Variants in CC2D2A observed in about 807,000 individuals in gnomAD.
CC2D2A encodes the protein coiled-coil and C2 domain-containing protein 2A.
CC2D2A carries 155 observed loss-of-function variants against 212.9 expected under a neutral mutation model. The observed-to-expected ratio is 0.73, with a 90% CI of 0.64 to 0.83. CC2D2A has a LOEUF of 0.83. CC2D2A is among the 40% of genes least tolerant of loss of function. CC2D2A has a pLI of 0.00. For synonymous variants in CC2D2A, 667 were observed against 686.5 expected, an observed-to-expected ratio of 0.97 and a Z score of 0.44; for missense variants, 1,856 against 1,956.2, an observed-to-expected ratio of 0.95 and a Z score of 0.97.
At chr4:15,532,478 G>A (rs538444908) in intron 13 of CC2D2A, among the ~76,000 whole-genome samples, 1 of 152,200 alleles carries the variant, frequency 6.6e-6, no homozygotes, top group Admixed American at 6.5e-5. Context: ...GTATGTGTCC[G>A]TCCCCTGAGC....
chr4:15,525,563 A>AG (rs1303268595), intron 11 of CC2D2A, among the ~76,000 whole-genome samples: 1 of 152,220 alleles, frequency 6.6e-6, no homozygotes, highest in Non-Finnish European at 1.5e-5. Context: ...TCTGAAGTGT[A>AG]GGGATATTAA....
chr4:15,517,704 C>T (rs1483306929), intron 11 of CC2D2A, among the ~76,000 whole-genome samples: 1 of 152,188 alleles, frequency 6.6e-6, no homozygotes, highest in Admixed American at 6.5e-5. Context: ...AATTGCATTG[C>T]TCTTGCTTTC....
rs537406474 is a variant in CC2D2A, at chr4:15,577,714, C to CT, written c.3772-2242dup. On this transcript the variant is annotated intron_variant, in intron 29 of 36. Transcript: ENST00000424120. ...AGTGGTAGAAAAAGCTTTAGACACA[C>CT]TTTTTTTTTTTTAACTTGGAAGGCC... Among the ~76,000 whole-genome samples, 235 of 146,304 alleles carry CT rather than the reference C, an allele frequency of 1.6e-3. 1 individual carries two copies. The highest frequency in any genetic ancestry group is 0.011 in the East Asian group (55 of 5,044).
At chr4:15,600,486 C>T (rs1053497117) in intron 36 of CC2D2A, among the ~76,000 whole-genome samples, 2 of 152,184 alleles carry the variant, frequency 1.3e-5, no homozygotes, top group Non-Finnish European at 2.9e-5. Context: ...CACATCTGCG[C>T]ACATACTACC....
intron 17 of CC2D2A, among the ~76,000 whole-genome samples, chr4:15,542,120 C>A (rs188363873): frequency 6.6e-6 from 1 of 152,182 alleles, no homozygotes; most frequent in Non-Finnish European, 1.5e-5. Flanking sequence ...GGATTTAGGG[C>A]CCACCCTAAT....
In CC2D2A at chr4:15,500,099, G is replaced by GTATACATATATA. The variant is rs71179633; in HGVS notation, c.248-2329_248-2328insATACATATATAT. 2.9e-3 allele frequency among the ~76,000 whole-genome samples: 204 copies of GTATACATATATA among 69,796 alleles called. 6 individuals are homozygous for GTATACATATATA. The highest frequency in any genetic ancestry group is 8.3e-3 in the African/African-American group (185 of 22,424). The allele number at this position is 69,796 out of a possible 152,430, so 45.8% of individuals were successfully genotyped here. On this transcript the variant is annotated intron_variant, in intron 4 of 36. Coordinates refer to ENST00000424120, the MANE Select transcript of CC2D2A (RefSeq NM_001378615.1). ...ATTGTGTGTGTGTGTGTGTGTGTGT[G>GTATACATATATA]TGTGTGTGTATATATATATATATAT...
chr4:15,560,453 G>A, intron 22 of CC2D2A, 78 bp from the exon 23 acceptor site: 1 of 715,692 alleles, frequency 1.4e-6, no homozygotes, highest in East Asian at 2.9e-5. Context: ...ATGACATTAG[G>A]GTAAAAACTT....
At chr4:15,524,963 A>G (rs1228763860) in intron 11 of CC2D2A, among the ~76,000 whole-genome samples, 1 of 152,260 alleles carries the variant, frequency 6.6e-6, no homozygotes, top group Non-Finnish European at 1.5e-5. Context: ...TAAGAAAGGA[A>G]AACAGACGCA....
intron 4 of CC2D2A, chr4:15,481,544 T>C: frequency 5.2e-6 from 1 of 192,730 alleles, no homozygotes; most frequent in Non-Finnish European, 1.1e-5. Flanking sequence ...GCCTGGAACC[T>C]CCTCCCCTCT....
chr4:15,567,141 G>T (rs1423494120), intron 24 of CC2D2A, among the ~76,000 whole-genome samples: 1 of 151,914 alleles, frequency 6.6e-6, no homozygotes, highest in African/African-American at 2.4e-5. Flanking sequence ...AAATTAGCTA[G>T]GTGTGGTGAC....
In CC2D2A at chr4:15,557,516, C is replaced by A. The variant is rs1009676697; in HGVS notation, c.2829+9C>A. 2 of 1,575,206 alleles carry A rather than the reference C, an allele frequency of 1.3e-6. No homozygotes were observed. Among genetic ancestry groups the A allele is most frequent in the Non-Finnish European group, 1.7e-6 (2 of 1,155,634 alleles). On this transcript the variant is annotated intron_variant, in intron 21 of 36. Coordinates refer to ENST00000424120, the MANE Select transcript of CC2D2A (RefSeq NM_001378615.1). ...TGGAAAAGGTATTCCAGGTAAGAAA[C>A]TGCCATAGAGGGGTTAATAAAATAA...
intron 24 of CC2D2A, among the ~76,000 whole-genome samples, chr4:15,565,785 T>C (rs992032111): frequency 6.6e-6 from 1 of 152,118 alleles, no homozygotes; most frequent in South Asian, 2.1e-4. Context: ...ATTTGTTTTA[T>C]TATTTTTTTA....
chr4:15,548,336 G>A (rs556294454), intron 17 of CC2D2A, among the ~76,000 whole-genome samples: 4 of 152,076 alleles, frequency 2.6e-5, no homozygotes, highest in South Asian at 2.1e-4. Context: ...GGAATAAGCC[G>A]CCTTCCACTG....
At chr4:15,595,574 C>T (rs1241740729) in intron 33 of CC2D2A, among the ~76,000 whole-genome samples, 1 of 152,220 alleles carries the variant, frequency 6.6e-6, no homozygotes, top group African/African-American at 2.4e-5. Context: ...ACAGAAGTTA[C>T]ATTAATCATC....
At chr4:15,589,881 A>G (rs562587062) in intron 33 of CC2D2A, among the ~76,000 whole-genome samples, 10 of 152,072 alleles carry the variant, frequency 6.6e-5, no homozygotes, top group East Asian at 1.9e-4. Flanking sequence ...TTTTGGTTCA[A>G]TTAGTCACCT....
chr4:15,508,460 GATA>G (rs1400388920), intron 6 of CC2D2A, among the ~76,000 whole-genome samples: 1 of 152,154 alleles, frequency 6.6e-6, no homozygotes, highest in African/African-American at 2.4e-5. Context: ...CTAGTAATAT[GATA>G]ATAATGGCTA....
At chr4:15,510,365 A>G in intron 7 of CC2D2A, 125 bp downstream of exon 7, 1 of 741,418 alleles carries the variant, frequency 1.3e-6, no homozygotes, top group Admixed American at 2.6e-5. Context: ...GGAGGCCAAG[A>G]CAGGCAGATA....
chr4:15,477,810 T>C (rs571815764), intron 2 of CC2D2A, among the ~76,000 whole-genome samples: 1 of 152,320 alleles, frequency 6.6e-6, no homozygotes, highest in African/African-American at 2.4e-5. Flanking sequence ...GGTTCATGTC[T>C]TCCCTAACCC....
intron 4 of CC2D2A, among the ~76,000 whole-genome samples, chr4:15,493,819 T>C (rs182649450): frequency 7.9e-5 from 12 of 152,344 alleles, no homozygotes; most frequent in Admixed American, 5.2e-4. Context: ...GGTTGAATGA[T>C]TGAAGGGTCA....
Sources: gnomAD v4.1 joint callset for allele counts (sites outside exome capture counted in the v4.1 genomes callset) on GRCh38, gnomAD v4.1.1 for gene constraint, MANE v1.5 for transcripts, NCBI Gene and HGNC (gene_info 2026-07-23, HGNC 2026-07-21) for gene names.